SMAP1: variants seen among roughly 807,000 people sequenced by gnomAD.
The protein encoded by SMAP1 is small ArfGAP 1, also known as stromal membrane-associated protein 1.
A neutral mutation model predicts 58.5 loss-of-function variants in SMAP1; 24 were observed. The ratio of observed to expected loss-of-function variants is 0.41; its 90% CI spans 0.30 to 0.58. The LOEUF (loss-of-function observed/expected upper bound fraction) is 0.58, where lower values mean the gene tolerates loss of function less well. Ranked by LOEUF, SMAP1 falls within the 20% of genes least tolerant of loss-of-function variation. The pLI is 0.29. For synonymous variants in SMAP1, 216 were observed against 196.6 expected, an observed-to-expected ratio of 1.10 and a Z score of -0.82; for missense variants, 563 against 566.3, an observed-to-expected ratio of 0.99 and a Z score of 0.06.
At chr6:70,804,071 TGAC>T (rs1769000566) in intron 6 of SMAP1, among the ~76,000 whole-genome samples, 2 of 152,344 alleles carry the variant, frequency 1.3e-5, no homozygotes, top group Admixed American at 1.3e-4. Context: ...TTGATCTGTC[TGAC>T]ATTGACAGTG....
At chr6:70,678,709 CTG>C (rs1403082971) in intron 1 of SMAP1, among the ~76,000 whole-genome samples, 1 of 152,134 alleles carries the variant, frequency 6.6e-6, no homozygotes, top group Non-Finnish European at 1.5e-5. Context: ...AGGGGAGAAT[CTG>C]TTTTCTTTTC....
At chr6:70,765,494 C>T (rs1018198553) in intron 3 of SMAP1, among the ~76,000 whole-genome samples, 1 of 152,014 alleles carries the variant, frequency 6.6e-6, no homozygotes, top group Non-Finnish European at 1.5e-5. Context: ...ATTATTTACC[C>T]AATTTTTAGT....
At chr6:70,754,378 A>G (rs1323497987) in intron 2 of SMAP1, among the ~76,000 whole-genome samples, 1 of 152,000 alleles carries the variant, frequency 6.6e-6, no homozygotes, top group Non-Finnish European at 1.5e-5. Context: ...TTTAGGGAGG[A>G]GTTTCTATGA....
At chr6:70,732,877 T>C (rs1765482826) in intron 2 of SMAP1, among the ~76,000 whole-genome samples, 1 of 152,176 alleles carries the variant, frequency 6.6e-6, no homozygotes, top group African/African-American at 2.4e-5. Context: ...AAAATGGACT[T>C]GAGTAATTTC....
In SMAP1 at chr6:70,860,223, G is replaced by C; in HGVS notation, c.1293G>C (p.Met431Ile). Residue 431 changes from methionine to isoleucine, a missense_variant, in exon 11 of 11, where the codon ATG becomes ATC. Physicochemically the swap from Met to Ile is conservative, Grantham distance 10 (BLOSUM62 1). Transcript: ENST00000370455. Reference protein sequence around the residue: ...LSQMNQQMAGMSISSATPTAG... With the variant: ...LSQMNQQMAGISISSATPTAG... ...AGATGAATCAGCAGATGGCTGGCATGAGTATCAGTAGTGCAACCCCTACTG... is the reference window on the plus strand; with the variant it reads ...AGATGAATCAGCAGATGGCTGGCATCAGTATCAGTAGTGCAACCCCTACTG... 2 of 1,611,474 alleles carry C rather than the reference G, an allele frequency of 1.2e-6. No individual in the cohort carries two copies. Among genetic ancestry groups the C allele is most frequent in the Non-Finnish European group, 1.7e-6 (2 of 1,179,210 alleles).
chr6:70,792,263 A>G (rs1768394802), intron 5 of SMAP1, among the ~76,000 whole-genome samples: 4 of 151,646 alleles, frequency 2.6e-5, no homozygotes, highest in South Asian at 2.1e-4. Context: ...TACTACCACT[A>G]TGTATTTTTA....
rs1482407063 is a variant in SMAP1, at chr6:70,861,079, C to G, written c.*745C>G. On this transcript the variant is annotated 3_prime_UTR_variant, in exon 11 of 11. Coordinates refer to ENST00000370455, the MANE Select transcript of SMAP1 (RefSeq NM_001044305.3). ...CAATCTTCAATCCTTGAAGGTATAT[C>G]TAGGTTTATGACAGTAATTGTGTTT... 1.0e-5 allele frequency: 2 copies of G among 194,306 alleles called. No homozygotes were observed. The highest frequency in any genetic ancestry group is 2.3e-5 in the African/African-American group (1 of 43,318). The allele number at this position is 194,306 out of a possible 1,614,324, so 12.0% of individuals were successfully genotyped here.
intron 1 of SMAP1, among the ~76,000 whole-genome samples, chr6:70,726,939 A>G (rs973455735): frequency 6.6e-6 from 1 of 151,752 alleles, no homozygotes; most frequent in Non-Finnish European, 1.5e-5. Context: ...GCATTTAAAT[A>G]AAAAGCTTAG....
At chr6:70,809,246 C>T (rs554883095) in intron 6 of SMAP1, among the ~76,000 whole-genome samples, 88 of 151,948 alleles carry the variant, frequency 5.8e-4, no homozygotes, top group African/African-American at 2.0e-3. Flanking sequence ...TTTCAAGATA[C>T]GGCAAGTATT....
intron 3 of SMAP1, among the ~76,000 whole-genome samples, chr6:70,758,020 G>A (rs1245471728): frequency 6.6e-6 from 1 of 151,978 alleles, no homozygotes; most frequent in Admixed American, 6.6e-5. Flanking sequence ...CCATTACTGG[G>A]TATATACCCA....
intron 4 of SMAP1, 92 bp downstream of exon 4, chr6:70,773,517 C>T: frequency 2.8e-6 from 2 of 702,666 alleles, no homozygotes; most frequent in South Asian, 2.1e-5. Context: ...ATTGTGAAAA[C>T]ATACTAGTTG....
At chr6:70,689,157 C>T (rs540741243) in intron 1 of SMAP1, among the ~76,000 whole-genome samples, 5 of 151,970 alleles carry the variant, frequency 3.3e-5, no homozygotes, top group South Asian at 4.2e-4. Flanking sequence ...TACAGGTGTG[C>T]GCCACCACGC....
intron 6 of SMAP1, among the ~76,000 whole-genome samples, chr6:70,823,879 T>C (rs1467456137): frequency 7.2e-6 from 1 of 138,938 alleles, no homozygotes; most frequent in Non-Finnish European, 1.6e-5. Flanking sequence ...AGCCCAAGGG[T>C]TTTTTTTTTT....
At chr6:70,687,813 TTGTG>T (rs150198693) in intron 1 of SMAP1, among the ~76,000 whole-genome samples, 1 of 151,956 alleles carries the variant, frequency 6.6e-6, no homozygotes. Flanking sequence ...GTACAGTAAT[TTGTG>T]TGTGTGTGTG....
chr6:70,811,328 A>C (rs945672499), intron 6 of SMAP1, among the ~76,000 whole-genome samples: 1 of 152,170 alleles, frequency 6.6e-6, no homozygotes, highest in African/African-American at 2.4e-5. Context: ...GCATCTTACC[A>C]GTCCTAACAG....
At chr6:70,742,749 A>T (rs1765868237) in intron 2 of SMAP1, among the ~76,000 whole-genome samples, 1 of 152,318 alleles carries the variant, frequency 6.6e-6, no homozygotes, top group Admixed American at 6.5e-5. Flanking sequence ...GGAGTAATTT[A>T]TAAAGAAAAA....
chr6:70,767,267 T>C (rs2149904281), intron 3 of SMAP1, among the ~76,000 whole-genome samples: 1 of 151,524 alleles, frequency 6.6e-6, no homozygotes, highest in East Asian at 1.9e-4. Context: ...AAAGTAGTTT[T>C]TTCCAATTCT....
intron 3 of SMAP1, among the ~76,000 whole-genome samples, chr6:70,762,309 G>A (rs1766783782): frequency 6.6e-6 from 1 of 152,096 alleles, no homozygotes; most frequent in Admixed American, 6.6e-5. Context: ...TGAATGTTCT[G>A]TGGTCGCTTT....
chr6:70,838,414 C>T (rs968808359), intron 7 of SMAP1, among the ~76,000 whole-genome samples: 2 of 152,120 alleles, frequency 1.3e-5, no homozygotes, highest in African/African-American at 4.8e-5. Context: ...TTCATTCCAT[C>T]TGGAGAGACA....
Sources: allele counts gnomAD v4.1 joint callset (sites outside exome capture counted in the v4.1 genomes callset), GRCh38; gene constraint gnomAD v4.1.1; transcripts MANE v1.5; gene names NCBI Gene and HGNC (gene_info 2026-07-23, HGNC 2026-07-21).